Variants in LIPA observed in about 807,000 individuals in gnomAD.
LIPA encodes the protein lysosomal acid lipase/cholesteryl ester hydrolase.
In LIPA, 26 loss-of-function variants were observed where a neutral mutation model predicts 40.6. The observed-to-expected ratio is 0.64, with a 90% CI of 0.47 to 0.89. LIPA has a LOEUF of 0.89. LIPA is among the 40% of genes least tolerant of loss of function. LIPA has a pLI of 0.00. For synonymous variants in LIPA, 188 were observed against 168.4 expected (o/e 1.12, Z -0.90); for missense variants, 455 against 479.6 (o/e 0.95, Z 0.48).
chr10:89,308,292 T>A (rs534653178), intron 1 of LIPA: 1 of 152,132 alleles, frequency 6.6e-6, no homozygotes, highest in Non-Finnish European at 1.5e-5. Context: ...ATGGAGAAAT[T>A]TGCAGTATTT....
intron 2 of LIPA, among the ~76,000 whole-genome samples, chr10:89,407,183 C>A (rs1244545303): frequency 6.6e-6 from 1 of 152,142 alleles, no homozygotes; most frequent in Non-Finnish European, 1.5e-5. Context: ...TTCATTGACC[C>A]TGCGGCCATG....
At chr10:89,249,581 A>T (rs1367084795) in intron 1 of LIPA, among the ~76,000 whole-genome samples, 4 of 152,230 alleles carry the variant, frequency 2.6e-5, no homozygotes, top group Non-Finnish European at 5.9e-5. Flanking sequence ...AACACAAAAA[A>T]ATATAGATTA....
chr10:89,414,519 T>G, exon 1 of LIPA: 2 of 425,928 alleles, frequency 4.7e-6, no homozygotes, highest in Non-Finnish European at 4.1e-6. Context: ...GCTCTTCTAT[T>G]AAGTTTCGGT....
chr10:89,240,517 A>G (rs1309306339), intron 3 of LIPA, among the ~76,000 whole-genome samples: 1 of 152,258 alleles, frequency 6.6e-6, no homozygotes, highest in Admixed American at 6.5e-5. Flanking sequence ...TGCACTTACT[A>G]TACTGCATAT....
intron 3 of LIPA, among the ~76,000 whole-genome samples, chr10:89,239,958 A>C (rs1842946400): frequency 6.6e-6 from 1 of 152,158 alleles, no homozygotes; most frequent in Admixed American, 6.5e-5. Context: ...GCCTGTCCTC[A>C]GACAGCTTTG....
intron 1 of LIPA, among the ~76,000 whole-genome samples, chr10:89,321,348 CA>C (rs1413210934): frequency 6.6e-6 from 1 of 152,044 alleles, no homozygotes; most frequent in Non-Finnish European, 1.5e-5. Flanking sequence ...CCAGAATCTA[CA>C]AAAAACTTAA....
chr10:89,404,895 G>A (rs1436034791), intron 2 of LIPA: 4 of 152,062 alleles, frequency 2.6e-5, no homozygotes, highest in South Asian at 2.1e-4. Context: ...CAGGGAGTTC[G>A]AGGCTGCAGT....
At chr10:89,394,748 A>G (rs960109804) in intron 2 of LIPA, among the ~76,000 whole-genome samples, 14 of 151,868 alleles carry the variant, frequency 9.2e-5, no homozygotes, top group Admixed American at 5.2e-4. Context: ...TAGTATATTC[A>G]TGATACTACT....
intron 1 of LIPA, among the ~76,000 whole-genome samples, chr10:89,321,829 T>A (rs999081363): frequency 6.6e-6 from 1 of 152,100 alleles, no homozygotes; most frequent in Non-Finnish European, 1.5e-5. Flanking sequence ...CAAATGTCCA[T>A]CAATGATAGA....
At chr10:89,237,877 A>G (rs1842924675) in intron 3 of LIPA, among the ~76,000 whole-genome samples, 1 of 152,218 alleles carries the variant, frequency 6.6e-6, no homozygotes, top group Non-Finnish European at 1.5e-5. Flanking sequence ...TCTTTAATTC[A>G]GTCTCTAAAT....
rs1308141985 is a variant in LIPA, at chr10:89,213,795, T to A, written c.*1033A>T. 6.6e-6 allele frequency: 1 copy of A among 152,146 alleles called. No individual in the cohort carries two copies. The highest frequency in any genetic ancestry group is 1.5e-5 in the Non-Finnish European group (1 of 68,022). The allele number at this position is 152,146 out of a possible 1,614,324, so 9.4% of individuals were successfully genotyped here. On this transcript the variant is annotated 3_prime_UTR_variant, in exon 10 of 10. Transcript: ENST00000336233. ...GCAGACAAATATGGACTTCCCAACA[T>A]AGGGACGTGAAGCAGGTGTATTAAA...
intron 1 of LIPA, among the ~76,000 whole-genome samples, chr10:89,329,435 G>A (rs1843628950): frequency 6.6e-6 from 1 of 152,158 alleles, no homozygotes; most frequent in African/African-American, 2.4e-5. Flanking sequence ...CTTTAGGTGT[G>A]TCTATAGCCA....
intron 2 of LIPA, chr10:89,402,974 A>G (rs201554379): frequency 1.2e-5 from 19 of 1,614,000 alleles, no homozygotes; most frequent in African/African-American, 2.7e-5. Flanking sequence ...AAGGACAGGA[A>G]GCTGAAGGAG....
chr10:89,264,077 C>T (rs1165423833), intron 1 of LIPA, among the ~76,000 whole-genome samples: 3 of 152,218 alleles, frequency 2.0e-5, no homozygotes, highest in African/African-American at 7.2e-5. Context: ...CTTGGGGAGC[C>T]TCTAGGTTTG....
intron 2 of LIPA, among the ~76,000 whole-genome samples, chr10:89,393,591 A>C (rs1209416635): frequency 2.6e-5 from 4 of 152,154 alleles, no homozygotes; most frequent in Non-Finnish European, 4.4e-5. Flanking sequence ...AAATTTGGGC[A>C]TGGTGGCACA....
chr10:89,393,022 G>A, intron 2 of LIPA: 1 of 798,842 alleles, frequency 1.3e-6, no homozygotes, highest in Non-Finnish European at 1.8e-6. Flanking sequence ...CCCAATCTGA[G>A]AGATTCTTTC....
At chr10:89,253,441 C>T (rs754135446), upstream of LIPA, among the ~76,000 whole-genome samples, 15 of 152,144 alleles carry the variant, frequency 9.9e-5, no homozygotes, top group Non-Finnish European at 1.8e-4. Context: ...ACTTATTTAC[C>T]ACCACAAGAA....
chr10:89,329,941 G>T (rs190521750), intron 1 of LIPA, among the ~76,000 whole-genome samples: 1 of 152,280 alleles, frequency 6.6e-6, no homozygotes, highest in East Asian at 1.9e-4. Flanking sequence ...TGTCAAAGGG[G>T]GGTTGTTCTC....
intron 8 of LIPA, among the ~76,000 whole-genome samples, chr10:89,216,867 A>T (rs1022456104): frequency 6.6e-6 from 1 of 152,314 alleles, no homozygotes; most frequent in African/African-American, 2.4e-5. Flanking sequence ...GATGGTATTG[A>T]TTAAACACTT....
Sources: gnomAD v4.1 joint callset for allele counts (sites outside exome capture counted in the v4.1 genomes callset) on GRCh38, gnomAD v4.1.1 for gene constraint, MANE v1.5 for transcripts, NCBI Gene and HGNC (gene_info 2026-07-23, HGNC 2026-07-21) for gene names.